The following GPHN variants were observed in gnomAD, a reference collection of about 807,000 sequenced individuals.
GPHN encodes gephyrin.
Under a neutral mutation model 95.5 loss-of-function variants are expected in GPHN, and 17 were observed. The ratio of observed to expected loss-of-function variants is 0.18; its 90% confidence interval spans 0.12 to 0.27. The LOEUF (loss-of-function observed/expected upper bound fraction) is 0.27, where lower values mean the gene tolerates loss of function less well. GPHN is among the 10% of genes least tolerant of loss of function. The pLI, the probability that GPHN is intolerant of heterozygous loss-of-function variation, is 1.00. For synonymous variants in GPHN, 320 were observed against 322.5 expected, an observed-to-expected ratio of 0.99 and a Z score of 0.08; for missense variants, 660 against 978.1, an observed-to-expected ratio of 0.67 and a Z score of 4.34.
At chr14:67,149,659 C>T (rs1473013650) in intron 18 of GPHN, among the ~76,000 whole-genome samples, 1 of 152,150 alleles carries the variant, frequency 6.6e-6, no homozygotes, top group Non-Finnish European at 1.5e-5. Flanking sequence ...ATTGCAACTA[C>T]CCATATTAAT....
chr14:67,520,216 T>C, the GPHN span, among the ~76,000 whole-genome samples: 1 of 152,204 alleles, frequency 6.6e-6, no homozygotes, highest in African/African-American at 2.4e-5. Flanking sequence ...TAGTTTACAT[T>C]AGGGTTCACT....
chr14:67,157,534 A>G (rs1369690304), intron 18 of GPHN, among the ~76,000 whole-genome samples: 1 of 152,188 alleles, frequency 6.6e-6, no homozygotes, highest in Non-Finnish European at 1.5e-5. Context: ...GCAATAGCTT[A>G]AGAAACTGGC....
At chr14:66,517,126 CAAAAAAAAA>C (rs1171024713) in intron 1 of GPHN, among the ~76,000 whole-genome samples, 5 of 31,014 alleles carry the variant, frequency 1.6e-4, no homozygotes, top group South Asian at 1.2e-3. Context: ...GACTCCATCT[CAAAAAAAAA>C]AAAAAAAAAA....
At chr14:67,082,848 A>G (rs576529512) in intron 11 of GPHN, among the ~76,000 whole-genome samples, 1 of 152,314 alleles carries the variant, frequency 6.6e-6, no homozygotes, top group Non-Finnish European at 1.5e-5. Context: ...GTTTCATTGT[A>G]TAGATGTACC....
At chr14:67,431,802 G>A in the GPHN span, among the ~76,000 whole-genome samples, 5 of 152,298 alleles carry the variant, frequency 3.3e-5, no homozygotes, top group African/African-American at 1.2e-4. Flanking sequence ...GGTGGGGGAA[G>A]GGAACAGAGG....
chr14:66,664,008 C>G (rs1306408667), intron 1 of GPHN, among the ~76,000 whole-genome samples: 1 of 152,172 alleles, frequency 6.6e-6, no homozygotes, highest in Non-Finnish European at 1.5e-5. Context: ...TTCAAAGAGA[C>G]TTAGACTCCC....
At chr14:67,098,229 C>T (rs1222850617) in intron 12 of GPHN, among the ~76,000 whole-genome samples, 3 of 152,176 alleles carry the variant, frequency 2.0e-5, no homozygotes, top group East Asian at 1.9e-4. Context: ...ATAGAAGCAG[C>T]GTCTAGGTTT....
intron 5 of GPHN, among the ~76,000 whole-genome samples, chr14:66,912,831 A>T (rs1003894618): frequency 5.3e-5 from 8 of 152,200 alleles, no homozygotes; most frequent in African/African-American, 1.9e-4. Flanking sequence ...TTCAAAGATT[A>T]TGTTAACCCT....
At chr14:67,275,631 C>T in the GPHN span, among the ~76,000 whole-genome samples, 1 of 152,070 alleles carries the variant, frequency 6.6e-6, no homozygotes. Flanking sequence ...TGATGCTGGC[C>T]TCATAAAATG....
chr14:66,543,743 C>T (rs765457108), intron 1 of GPHN, among the ~76,000 whole-genome samples: 5 of 152,162 alleles, frequency 3.3e-5, no homozygotes, highest in African/African-American at 7.2e-5. Context: ...ATCAAAATGA[C>T]GATCAAACCA....
rs1438816338 is a variant in GPHN, at chr14:67,039,447, T to TTG, written c.1006+15778_1006+15779dup. Among the ~76,000 whole-genome samples, 78 of 152,310 alleles carry TTG rather than the reference T, an allele frequency of 5.1e-4. 1 individual carries two copies. The highest frequency in any genetic ancestry group is 8.8e-5 in the Non-Finnish European group (6 of 68,024). ...TTTTTTCCTTAAAACACAGCCTGAT[T>TTG]TGTGTGTTCCTTGAAAGACTGTGTA... is the stretch of plus-strand genomic sequence containing the variant. On this transcript the variant is annotated intron_variant, in intron 10 of 22. Coordinates refer to ENST00000478722, the MANE Select transcript of GPHN (RefSeq NM_020806.5).
the GPHN span, among the ~76,000 whole-genome samples, chr14:67,608,387 G>A: frequency 0.036 from 5,471 of 152,182 alleles, 257 homozygotes; most frequent in African/African-American, 0.11. Flanking sequence ...GATGCTTTAA[G>A]GTATACAGGA....
the GPHN span, among the ~76,000 whole-genome samples, chr14:67,298,164 G>A: frequency 3.3e-5 from 5 of 152,110 alleles, no homozygotes; most frequent in Admixed American, 1.3e-4. Flanking sequence ...TTGTGACAGA[G>A]AGCCACTCAG....
chr14:67,561,013 G>A, the GPHN span, among the ~76,000 whole-genome samples: 2 of 152,148 alleles, frequency 1.3e-5, no homozygotes, highest in South Asian at 2.1e-4. Context: ...TTACGGGTGT[G>A]AGCCACCACA....
At chr14:67,191,040 C>A in the GPHN span, among the ~76,000 whole-genome samples, 2 of 152,278 alleles carry the variant, frequency 1.3e-5, no homozygotes, top group African/African-American at 4.8e-5. Flanking sequence ...TCAAGACCAG[C>A]CTGGCCAACA....
At chr14:67,281,036 T>C in the GPHN span, among the ~76,000 whole-genome samples, 1 of 151,844 alleles carries the variant, frequency 6.6e-6, no homozygotes, top group Non-Finnish European at 1.5e-5. Flanking sequence ...GTGGCTGGGA[T>C]TACAGGCATG....
chr14:66,542,076 T>C (rs895379033), intron 1 of GPHN, among the ~76,000 whole-genome samples: 3 of 152,214 alleles, frequency 2.0e-5, no homozygotes, highest in African/African-American at 4.8e-5. Flanking sequence ...TCCTTGCATA[T>C]ACCCTCAGCT....
At chr14:66,553,841 C>G (rs1022218857) in intron 1 of GPHN, among the ~76,000 whole-genome samples, 1 of 152,196 alleles carries the variant, frequency 6.6e-6, no homozygotes, top group African/African-American at 2.4e-5. Context: ...TCCCAAAGTG[C>G]TGGGATTACA....
intron 1 of GPHN, among the ~76,000 whole-genome samples, chr14:66,546,177 G>T (rs1471829079): frequency 1.3e-5 from 2 of 149,690 alleles, no homozygotes; most frequent in African/African-American, 5.1e-5. Context: ...TGGGATGGCG[G>T]CCGGGAAGAG....
Sources: gnomAD v4.1 joint callset for allele counts (sites outside exome capture counted in the v4.1 genomes callset) on GRCh38, gnomAD v4.1.1 for gene constraint, MANE v1.5 for transcripts, NCBI Gene and HGNC (gene_info 2026-07-23, HGNC 2026-07-21) for gene names.